The following PALLD variants were observed in gnomAD, a reference collection of about 807,000 sequenced individuals.
PALLD encodes palladin.
PALLD carries 61 observed loss-of-function variants against 123.5 expected under a neutral mutation model. The observed-to-expected ratio is 0.49, with a 90% CI of 0.40 to 0.61. PALLD has a LOEUF of 0.61. Among genes scored for constraint, PALLD ranks in the 20% least tolerant of loss-of-function variants. The probability of loss-of-function intolerance (pLI) is 0.00; values close to 1 mark genes in which losing one functional copy is unlikely to be tolerated. For synonymous variants in PALLD, 465 were observed against 496.4 expected (o/e 0.94, Z 0.84); for missense variants, 1,273 against 1,377.0 (o/e 0.92, Z 1.20).
intron 2 of PALLD, among the ~76,000 whole-genome samples, chr4:168,629,408 G>A (rs1775603413): frequency 6.6e-6 from 1 of 152,210 alleles, no homozygotes; most frequent in Non-Finnish European, 1.5e-5. Flanking sequence ...TATTATCAGT[G>A]GTTACCTGGA....
chr4:168,537,963 A>C (rs569964073), intron 2 of PALLD, among the ~76,000 whole-genome samples: 1 of 152,232 alleles, frequency 6.6e-6, no homozygotes, highest in Non-Finnish European at 1.5e-5. Flanking sequence ...ATTGAATTCT[A>C]TCCCCCTTCA....
intron 10 of PALLD, among the ~76,000 whole-genome samples, chr4:168,862,722 A>G (rs1749677030): frequency 6.6e-6 from 1 of 152,238 alleles, no homozygotes; most frequent in African/African-American, 2.4e-5. Flanking sequence ...GGTTACAAAG[A>G]CAAGTTTTCT....
intron 8 of PALLD, among the ~76,000 whole-genome samples, chr4:168,693,139 T>C (rs1782795806): frequency 6.7e-6 from 1 of 149,018 alleles, no homozygotes; most frequent in African/African-American, 2.5e-5. Flanking sequence ...CTACATACAC[T>C]CCTTCTGTTT....
chr4:168,527,384 T>G (rs1411552854), intron 2 of PALLD, among the ~76,000 whole-genome samples: 3 of 126,822 alleles, frequency 2.4e-5, no homozygotes, highest in Admixed American at 1.0e-4. Flanking sequence ...ATCGCGCCAT[T>G]GCACTCCAGC....
At chr4:168,906,343 T>C (rs1472164581) in intron 15 of PALLD, among the ~76,000 whole-genome samples, 1 of 152,206 alleles carries the variant, frequency 6.6e-6, no homozygotes, top group Non-Finnish European at 1.5e-5. Flanking sequence ...TTCCTCAAAT[T>C]ATAATAATGC....
At chr4:168,823,931 C>G (rs1229501737) in intron 10 of PALLD, among the ~76,000 whole-genome samples, 1 of 152,200 alleles carries the variant, frequency 6.6e-6, no homozygotes, top group Non-Finnish European at 1.5e-5. Context: ...ACAAAGCTTT[C>G]TTAAGTGACA....
At chr4:168,642,546 C>T (rs567250973) in intron 2 of PALLD, among the ~76,000 whole-genome samples, 8 of 152,234 alleles carry the variant, frequency 5.3e-5, no homozygotes, top group African/African-American at 1.2e-4. Context: ...GGATTATAGG[C>T]GCCCGCCACC....
In PALLD at chr4:168,682,059, T is replaced by C. The variant is rs1781601631; in HGVS notation, c.1154+661T>C. ...ATTTATTTATGCAAGTTGGAAAATA[T>C]CTAATTAGGCCAGAAGTAGGTTCTC... is the stretch of plus-strand genomic sequence containing the variant. On this transcript the variant is annotated intron_variant, in intron 4 of 21. Coordinates refer to ENST00000505667, the MANE Select transcript of PALLD (RefSeq NM_001166108.2). 2.6e-5 allele frequency among the ~76,000 whole-genome samples: 4 copies of C among 152,196 alleles called. No homozygotes were observed. In the South Asian group the frequency reaches 8.3e-4, roughly 32 times the overall value.
chr4:168,698,134 A>G (rs74781441), intron 8 of PALLD, among the ~76,000 whole-genome samples: 13,079 of 152,234 alleles, frequency 0.086, 619 homozygotes, highest in Middle Eastern at 0.14. Context: ...GACAAACATC[A>G]CATGTTCTTA....
At chr4:168,919,730 A>AT (rs921111735) in intron 17 of PALLD, among the ~76,000 whole-genome samples, 2 of 152,186 alleles carry the variant, frequency 1.3e-5, no homozygotes, top group African/African-American at 4.8e-5. Flanking sequence ...AACTGGTACT[A>AT]AATTTTCAGG....
At chr4:168,517,342 T>TCC (rs1370279225) in intron 2 of PALLD, among the ~76,000 whole-genome samples, 3 of 152,206 alleles carry the variant, frequency 2.0e-5, no homozygotes, top group Non-Finnish European at 2.9e-5. Flanking sequence ...TGTGCTTTAA[T>TCC]AGTCTAAATA....
At chr4:168,503,376 G>A (rs1182395123) in intron 1 of PALLD, among the ~76,000 whole-genome samples, 4 of 152,160 alleles carry the variant, frequency 2.6e-5, no homozygotes, top group Non-Finnish European at 5.9e-5. Flanking sequence ...AGGGCTGGAT[G>A]CAGTGGCTCA....
chr4:168,582,903 C>T (rs1429448104), intron 2 of PALLD, among the ~76,000 whole-genome samples: 1 of 152,110 alleles, frequency 6.6e-6, no homozygotes, highest in African/African-American at 2.4e-5. Context: ...AAATGAAAGG[C>T]TTTGCACTCT....
chr4:168,835,606 T>A (rs55728393), intron 10 of PALLD, among the ~76,000 whole-genome samples: 8,181 of 147,546 alleles, frequency 0.055, 330 homozygotes, highest in Middle Eastern at 0.12. Context: ...GGATTTTTTT[T>A]AAAAAACAGG....
Position 168,512,340 on chromosome 4 carries a change from G to C in PALLD, c.836G>C (p.Ser279Thr), listed in dbSNP as rs886059209. ...AAPRFIQKLR[S>T]QEVAEGSRVY... ...CCTCGATTCATCCAAAAGCTGAGGA[G>C]CCAAGAAGTAGCAGAAGGGAGCCGA... The change falls in exon 2 of 22, where the codon AGC becomes ACC. Residue 279 changes from serine to threonine, a missense_variant. By Grantham distance (58) the Ser-to-Thr change is moderately conservative (BLOSUM62 1). Around this residue, in one of 2 missense-constraint regions of PALLD, gnomAD observed 944 missense variants for 954.5 expected, o/e 0.99. Coordinates refer to ENST00000505667, the MANE Select transcript of PALLD (RefSeq NM_001166108.2). 57 of 1,614,024 alleles carry C rather than the reference G, an allele frequency of 3.5e-5. No individual in the cohort carries two copies. The highest frequency in any genetic ancestry group is 4.6e-5 in the Non-Finnish European group (54 of 1,180,050).
chr4:168,593,565 T>C (rs1157608976), intron 2 of PALLD, among the ~76,000 whole-genome samples: 1 of 152,168 alleles, frequency 6.6e-6, no homozygotes, highest in Non-Finnish European at 1.5e-5. Context: ...CAAGTTATCA[T>C]CTAGCCCAGA....
chr4:168,763,618 G>A (rs554525339), intron 10 of PALLD, among the ~76,000 whole-genome samples: 1 of 152,320 alleles, frequency 6.6e-6, no homozygotes, highest in African/African-American at 2.4e-5. Flanking sequence ...TGGAGATGCT[G>A]CCCTGGTACC....
At chr4:168,509,734 A>G (rs994835179) in intron 1 of PALLD, among the ~76,000 whole-genome samples, 4 of 152,238 alleles carry the variant, frequency 2.6e-5, no homozygotes, top group Non-Finnish European at 2.9e-5. Flanking sequence ...TCAGGCACAA[A>G]AAAAGTAACT....
chr4:168,562,222 C>G (rs1052789641), intron 2 of PALLD, among the ~76,000 whole-genome samples: 1 of 152,204 alleles, frequency 6.6e-6, no homozygotes, highest in African/African-American at 2.4e-5. Context: ...CACCGAATAT[C>G]TGTTCTGTGC....
Sources: gnomAD v4.1 joint callset for allele counts (sites outside exome capture counted in the v4.1 genomes callset) on GRCh38, gnomAD v4.1.1 for gene constraint, gnomAD v4.1.1 regional missense constraint, MANE v1.5 for transcripts, NCBI Gene and HGNC (gene_info 2026-07-23, HGNC 2026-07-21) for gene names.